PCDH15: variants seen among roughly 807,000 people sequenced by gnomAD.
The protein encoded by PCDH15 is protocadherin related 15, also known as protocadherin-15.
A neutral mutation model predicts 178.5 loss-of-function variants in PCDH15; 129 were observed. The ratio of observed to expected loss-of-function variants is 0.72; its 90% confidence interval spans 0.63 to 0.84. The LOEUF (loss-of-function observed/expected upper bound fraction) is 0.84, where lower values mean the gene tolerates loss of function less well. Ranked by LOEUF, PCDH15 falls within the 40% of genes least tolerant of loss-of-function variation. The pLI, the probability that PCDH15 is intolerant of heterozygous loss-of-function variation, is 0.00. For synonymous variants in PCDH15, 800 were observed against 732.0 expected (o/e 1.09, Z -1.50); for missense variants, 2,230 against 2,099.9 (o/e 1.06, Z -1.21).
intron 5 of PCDH15, among the ~76,000 whole-genome samples, chr10:54,366,039 A>G (rs538706103): frequency 6.6e-6 from 1 of 152,136 alleles, no homozygotes; most frequent in Non-Finnish European, 1.5e-5. Context: ...ATAATTTAGA[A>G]TACTAGAATG....
intron 2 of PCDH15, among the ~76,000 whole-genome samples, chr10:55,163,042 CTCCAACTCAG>C: frequency 6.6e-6 from 1 of 152,216 alleles, no homozygotes; most frequent in African/African-American, 2.4e-5. Flanking sequence ...TATTCTGTGG[CTCCAACTCAG>C]AAGCACACTC....
chr10:54,523,719 A>G (rs1025132137), intron 3 of PCDH15, among the ~76,000 whole-genome samples: 2 of 152,182 alleles, frequency 1.3e-5, no homozygotes, highest in Admixed American at 6.5e-5. Flanking sequence ...GAAACTTTAT[A>G]CTGTTGATTA....
chr10:54,389,171 A>T (rs563615928), intron 3 of PCDH15, among the ~76,000 whole-genome samples: 1 of 152,116 alleles, frequency 6.6e-6, no homozygotes, highest in African/African-American at 2.4e-5. Context: ...AAAACAAAAA[A>T]AAACTGTAGG....
At chr10:54,478,080 C>T (rs1390792611) in intron 3 of PCDH15, among the ~76,000 whole-genome samples, 2 of 151,816 alleles carry the variant, frequency 1.3e-5, no homozygotes, top group African/African-American at 2.4e-5. Context: ...TATCTAGTCG[C>T]CCTAATAATA....
intron 6 of PCDH15, among the ~76,000 whole-genome samples, chr10:54,342,655 C>T (rs981571558): frequency 6.6e-5 from 10 of 152,168 alleles, no homozygotes; most frequent in African/African-American, 2.2e-4. Flanking sequence ...GATAGATCCA[C>T]AGACAGCTTG....
chr10:54,057,107 A>G (rs2093908932), intron 18 of PCDH15, among the ~76,000 whole-genome samples: 1 of 152,122 alleles, frequency 6.6e-6, no homozygotes, highest in Admixed American at 6.6e-5. Flanking sequence ...GGTTGTTTTC[A>G]TGGGCTCATG....
intron 2 of PCDH15, among the ~76,000 whole-genome samples, chr10:54,598,454 G>T (rs1355569999): frequency 6.6e-6 from 1 of 151,998 alleles, no homozygotes; most frequent in Non-Finnish European, 1.5e-5. Context: ...TTACAAATTA[G>T]GTATTGAAGG....
At chr10:54,146,926 ATATATATAATG>A (rs1417333519) in intron 14 of PCDH15, among the ~76,000 whole-genome samples, 1 of 87,844 alleles carries the variant, frequency 1.1e-5, no homozygotes, top group African/African-American at 4.1e-5. Context: ...TATAGTGTAT[ATATATATAATG>A]TATATATATA....
intron 13 of PCDH15, among the ~76,000 whole-genome samples, chr10:54,159,879 T>G (rs2045537230): frequency 6.6e-6 from 1 of 152,238 alleles, no homozygotes; most frequent in South Asian, 2.1e-4. Context: ...TGCTTTGTTT[T>G]TTCTTCTTCA....
chr10:55,607,182 T>G (rs1843240821), intron 2 of PCDH15, among the ~76,000 whole-genome samples: 2 of 150,156 alleles, frequency 1.3e-5, no homozygotes, highest in South Asian at 2.1e-4. Context: ...GAAATGCAAA[T>G]CAAAACCACA....
At chr10:54,707,247 G>A (rs113719939) in intron 1 of PCDH15, among the ~76,000 whole-genome samples, 2,927 of 152,228 alleles carry the variant, frequency 0.019, 85 homozygotes, top group African/African-American at 0.065. Flanking sequence ...AAAATTTGTT[G>A]CAAACTCCAG....
chr10:54,373,009 T>C (rs527370216), intron 4 of PCDH15, among the ~76,000 whole-genome samples: 1 of 151,876 alleles, frequency 6.6e-6, no homozygotes, highest in Non-Finnish European at 1.5e-5. Flanking sequence ...ATTTTGTAAC[T>C]CTGAAAAAGA....
At chr10:55,091,267 GT>G (rs200228949) in intron 2 of PCDH15, among the ~76,000 whole-genome samples, 35 of 152,000 alleles carry the variant, frequency 2.3e-4, no homozygotes, top group African/African-American at 7.0e-4. Flanking sequence ...ATATTTAATT[GT>G]ATTGAATACT....
chr10:55,122,726 C>A (rs2132067979), intron 2 of PCDH15, among the ~76,000 whole-genome samples: 1 of 152,098 alleles, frequency 6.6e-6, no homozygotes, highest in African/African-American at 2.4e-5. Flanking sequence ...CCAGTGGTAA[C>A]AATAAAAATA....
intron 3 of PCDH15, among the ~76,000 whole-genome samples, chr10:54,883,737 T>C (rs1954303874): frequency 6.6e-6 from 1 of 151,600 alleles, no homozygotes; most frequent in South Asian, 2.1e-4. Context: ...AATACAATGG[T>C]ACATATAATA....
At chr10:55,483,619 C>T (rs1840231692) in intron 2 of PCDH15, among the ~76,000 whole-genome samples, 1 of 151,506 alleles carries the variant, frequency 6.6e-6, no homozygotes, top group Non-Finnish European at 1.5e-5. Context: ...CACAGCAATC[C>T]CATTACCACA....
In PCDH15 at chr10:53,804,048, T is replaced by C. The variant is rs191051563; in HGVS notation, c.*2531A>G. On this transcript the variant is annotated 3_prime_UTR_variant, in exon 38 of 38. Coordinates refer to ENST00000644397, the MANE Select transcript of PCDH15 (RefSeq NM_001384140.1). Reference sequence around the variant, plus strand: ...GATTTATAGACTAGTGAAAGTTCTATGAAAGTAACTATTTAATTGATCCAG... The same window carrying C: ...GATTTATAGACTAGTGAAAGTTCTACGAAAGTAACTATTTAATTGATCCAG... The C allele has an allele frequency of 6.6e-6, 1 of 152,140 alleles. No individual in the cohort carries two copies. Among genetic ancestry groups the C allele is most frequent in the East Asian group, 1.9e-4 (1 of 5,182 alleles). The allele number at this position is 152,140 out of a possible 1,614,324, so 9.4% of individuals were successfully genotyped here.
chr10:54,519,416 T>G (rs372861283), intron 3 of PCDH15, among the ~76,000 whole-genome samples: 2 of 151,416 alleles, frequency 1.3e-5, no homozygotes, highest in African/African-American at 4.9e-5. Context: ...TATACACCAA[T>G]AACAGACAAA....
chr10:55,262,166 GGGGA>G (rs1564944508), intron 1 of PCDH15, among the ~76,000 whole-genome samples: 2 of 134,652 alleles, frequency 1.5e-5, no homozygotes, highest in South Asian at 2.6e-4. Flanking sequence ...GAGGAGATGG[GGGGA>G]GGGAGGGAGG....
Sources: gnomAD v4.1 joint callset for allele counts (sites outside exome capture counted in the v4.1 genomes callset) on GRCh38, gnomAD v4.1.1 for gene constraint, MANE v1.5 for transcripts, NCBI Gene and HGNC (gene_info 2026-07-23, HGNC 2026-07-21) for gene names.